Variants in AP3M1 observed in about 807,000 individuals in gnomAD.
AP3M1 encodes adaptor related protein complex 3 subunit mu 1, also known as AP-3 complex subunit mu-1.
In AP3M1, 29 loss-of-function variants were observed where a neutral mutation model predicts 42.6. The observed-to-expected ratio is 0.68, with a 90% CI of 0.51 to 0.93. AP3M1 has a LOEUF of 0.93. AP3M1 is among the 40% of genes least tolerant of loss of function. The pLI is 0.00. For synonymous variants in AP3M1, 178 were observed against 175.3 expected (o/e 1.02, Z -0.12); for missense variants, 416 against 510.2 (o/e 0.82, Z 1.78).
chr10:74,127,377 C>T (rs1365349661), intron 6 of AP3M1, among the ~76,000 whole-genome samples: 1 of 152,060 alleles, frequency 6.6e-6, no homozygotes, highest in South Asian at 2.1e-4. Flanking sequence ...GGTGCAGTGG[C>T]TCACACCTGT....
At chr10:74,133,701 C>A (rs1250985201) in intron 4 of AP3M1, among the ~76,000 whole-genome samples, 3 of 149,748 alleles carry the variant, frequency 2.0e-5, no homozygotes, top group African/African-American at 4.9e-5. Context: ...CAGAGCCAGG[C>A]TGGAGTGCAA....
Position 74,135,072 on chromosome 10 carries a change from T to C in AP3M1, c.446-908A>G, listed in dbSNP as rs75167574. Among the ~76,000 whole-genome samples the C allele has an allele frequency of 2.4e-3, 361 of 152,342 alleles. 1 individual carries two copies. The highest frequency in any genetic ancestry group is 7.6e-3 in the African/African-American group (318 of 41,584). ...TGTATCTACAATTTTGCAGTCTACT[T>C]ATGATTGGTGTTCCTACCTGCAACC... is the stretch of plus-strand genomic sequence containing the variant. On this transcript the variant is annotated intron_variant, in intron 3 of 8. Transcript: ENST00000355264.
At position 74,123,760 on chromosome 10, in the gene AP3M1, C is replaced by A; in HGVS notation, c.*50G>T. ...CACTTGGTACCTAATAGTGATACAT[C>A]GTAATGACACTTGGAAAACAAACTG... On this transcript the variant is annotated 3_prime_UTR_variant, in exon 9 of 9. Transcript: ENST00000355264. 1 of 1,399,996 alleles carries A rather than the reference C, an allele frequency of 7.1e-7. No individual in the cohort carries two copies. Among genetic ancestry groups the A allele is most frequent in the South Asian group, 1.2e-5 (1 of 86,594 alleles). 86.7% of individuals were successfully genotyped at this position (1,399,996 alleles called of 1,614,324 possible).
chr10:74,139,805 G>C (rs1425296939), intron 1 of AP3M1, among the ~76,000 whole-genome samples: 1 of 151,580 alleles, frequency 6.6e-6, no homozygotes, highest in African/African-American at 2.4e-5. Flanking sequence ...TACTCAGGAG[G>C]CTGAGGCAGA....
chr10:74,144,665 A>ATT (rs200560159), intron 1 of AP3M1, among the ~76,000 whole-genome samples: 14 of 134,130 alleles, frequency 1.0e-4, no homozygotes, highest in African/African-American at 3.0e-4. Flanking sequence ...TTAGCTTATG[A>ATT]TTTTTTTTTT....
At chr10:74,130,267 C>T (rs1840743679) in intron 4 of AP3M1, among the ~76,000 whole-genome samples, 1 of 152,028 alleles carries the variant, frequency 6.6e-6, no homozygotes, top group Admixed American at 6.6e-5. Context: ...ATAGAGATAC[C>T]CTCTGGGTGT....
At chr10:74,126,605 T>A (rs545924703) in intron 6 of AP3M1, among the ~76,000 whole-genome samples, 72 of 152,224 alleles carry the variant, frequency 4.7e-4, no homozygotes, top group Non-Finnish European at 9.7e-4. Flanking sequence ...CCCAGCACTT[T>A]GGGAGGCCGA....
intron 1 of AP3M1, among the ~76,000 whole-genome samples, chr10:74,145,451 A>G (rs905760957): frequency 2.0e-5 from 3 of 152,258 alleles, no homozygotes; most frequent in Non-Finnish European, 4.4e-5. Flanking sequence ...TAATAGGAAA[A>G]GAGAGCTTAC....
intron 1 of AP3M1, among the ~76,000 whole-genome samples, chr10:74,140,986 T>A (rs922374994): frequency 3.3e-5 from 5 of 152,018 alleles, no homozygotes; most frequent in African/African-American, 1.2e-4. Flanking sequence ...ATACCAAAAG[T>A]ACAGACAAGA....
chr10:74,125,977 G>A (rs1006536710), intron 7 of AP3M1, among the ~76,000 whole-genome samples, 171 bp downstream of exon 7: 39 of 152,206 alleles, frequency 2.6e-4, no homozygotes, highest in Admixed American at 2.6e-4. Flanking sequence ...AGTAGCAGCT[G>A]CAGGATTCCT....
intron 1 of AP3M1, among the ~76,000 whole-genome samples, chr10:74,147,429 T>C (rs1374991902): frequency 2.0e-5 from 3 of 152,220 alleles, no homozygotes; most frequent in Admixed American, 1.3e-4. Flanking sequence ...TAAAACTTTT[T>C]ATTATTCTTT....
At position 74,121,756 on chromosome 10, in the gene AP3M1, A is replaced by T. The variant is rs1840469584; in HGVS notation, c.*2054T>A. The T allele has an allele frequency of 6.6e-6, 1 of 152,262 alleles. No homozygotes were observed. Among genetic ancestry groups the T allele is most frequent in the Non-Finnish European group, 1.5e-5 (1 of 68,040 alleles). The allele number at this position is 152,262 out of a possible 1,614,324, so 9.4% of individuals were successfully genotyped here. The stretch of plus-strand genomic sequence containing the variant: ...TTCAATCAATAGTAGACCTAAAAAA[A>T]ATCAACTTGTTGCTTTCATCTTTTT... On this transcript the variant is annotated 3_prime_UTR_variant, in exon 9 of 9. Coordinates refer to ENST00000355264, the MANE Select transcript of AP3M1 (RefSeq NM_012095.6).
At chr10:74,141,685 T>C (rs1841155700) in intron 1 of AP3M1, among the ~76,000 whole-genome samples, 1 of 151,512 alleles carries the variant, frequency 6.6e-6, no homozygotes, top group African/African-American at 2.4e-5. Flanking sequence ...CCTAGAGTGC[T>C]GGTAATGTTT....
intron 7 of AP3M1, 132 bp downstream of exon 7, chr10:74,126,016 A>G (rs1840602997): frequency 1.1e-6 from 1 of 876,108 alleles, no homozygotes; most frequent in Non-Finnish European, 1.8e-6. Context: ...AGCACAGCAC[A>G]GTATGCTCTC....
intron 1 of AP3M1, among the ~76,000 whole-genome samples, chr10:74,144,241 G>A (rs1370541060): frequency 1.3e-5 from 2 of 152,080 alleles, no homozygotes; most frequent in Non-Finnish European, 2.9e-5. Context: ...GATTACAGGC[G>A]TGAGCCACCA....
At chr10:74,139,089 A>C (rs1841042316) in intron 1 of AP3M1, among the ~76,000 whole-genome samples, 1 of 152,078 alleles carries the variant, frequency 6.6e-6, no homozygotes, top group Non-Finnish European at 1.5e-5. Flanking sequence ...ATGGTACTAG[A>C]GGTTTGAACC....
intron 1 of AP3M1, among the ~76,000 whole-genome samples, chr10:74,143,359 C>T (rs1431209114): frequency 2.6e-5 from 4 of 152,166 alleles, no homozygotes; most frequent in Admixed American, 6.5e-5. Flanking sequence ...AAGCAATTCT[C>T]GTGCCTCAGC....
intron 1 of AP3M1, 138 bp from the exon 2 acceptor site, chr10:74,138,520 T>C: frequency 1.5e-6 from 1 of 658,088 alleles, no homozygotes; most frequent in South Asian, 2.3e-5. Flanking sequence ...TCAATCAACA[T>C]GATATACAAT....
At position 74,138,089 on chromosome 10, in the gene AP3M1, G is replaced by A; in HGVS notation, c.273+18C>T. ...AACTTGGGTCATTTAACTTAGAAAG[G>A]TATGATAGATAACCAACCTGAAAAG... On this transcript the variant is annotated intron_variant, in intron 2 of 8. Coordinates refer to ENST00000355264, the MANE Select transcript of AP3M1 (RefSeq NM_012095.6). The A allele has an allele frequency of 6.2e-7, 1 of 1,608,618 alleles. No individual in the cohort carries two copies. The highest frequency in any genetic ancestry group is 8.5e-7 in the Non-Finnish European group (1 of 1,177,230).
Sources: allele counts gnomAD v4.1 joint callset (sites outside exome capture counted in the v4.1 genomes callset), GRCh38; gene constraint gnomAD v4.1.1; transcripts MANE v1.5; gene names NCBI Gene and HGNC (gene_info 2026-07-23, HGNC 2026-07-21).